Variants in TNIK observed in about 807,000 individuals in gnomAD.
TNIK encodes TRAF2 and NCK interacting kinase.
TNIK carries 49 observed loss-of-function variants against 191.3 expected under a neutral mutation model. The ratio of observed to expected loss-of-function variants is 0.26; its 90% confidence interval spans 0.20 to 0.32. The LOEUF (loss-of-function observed/expected upper bound fraction) is 0.32. Among genes scored for constraint, TNIK ranks in the 10% least tolerant of loss-of-function variants. TNIK has a pLI of 1.00. For synonymous variants in TNIK, 594 were observed against 600.9 expected (o/e 0.99, Z 0.17); for missense variants, 1,155 against 1,702.3 (o/e 0.68, Z 5.66).
At chr3:171,205,510 G>A (rs1739945772) in intron 4 of TNIK, among the ~76,000 whole-genome samples, 1 of 152,204 alleles carries the variant, frequency 6.6e-6, no homozygotes. Flanking sequence ...TAAGTTGAAT[G>A]TGATGGCAGA....
rs149124912 is a variant in TNIK at position 171,458,563 on chromosome 3, A to G, written c.57+1444T>C. On this transcript the variant is annotated intron_variant, in intron 1 of 32. Coordinates refer to ENST00000436636, the MANE Select transcript of TNIK (RefSeq NM_015028.4). Reference sequence around the variant, plus strand: ...AGACTTATTCAAAGAGATGTGGAGGAAAAGGTTTAATTAAGGAGACCAAAG... The same window carrying G: ...AGACTTATTCAAAGAGATGTGGAGGGAAAGGTTTAATTAAGGAGACCAAAG... 2.0e-5 allele frequency among the ~76,000 whole-genome samples: 3 copies of G among 152,348 alleles called. No individual in the cohort carries two copies. The East Asian group carries it at 5.8e-4, about 29-fold the overall frequency.
intron 4 of TNIK, among the ~76,000 whole-genome samples, chr3:171,207,588 T>C (rs959714425): frequency 1.3e-5 from 2 of 152,258 alleles, no homozygotes; most frequent in Admixed American, 6.5e-5. Context: ...TGGCAGTGAT[T>C]GAGAGGGAGA....
chr3:171,104,510 T>A (rs1310318875), intron 21 of TNIK, among the ~76,000 whole-genome samples: 2 of 145,436 alleles, frequency 1.4e-5, no homozygotes, highest in East Asian at 3.8e-4. Flanking sequence ...ATTTTTTGAC[T>A]ACAGAGTAAA....
intron 1 of TNIK, among the ~76,000 whole-genome samples, chr3:171,445,858 A>G (rs1209001211): frequency 2.0e-5 from 3 of 152,202 alleles, no homozygotes; most frequent in African/African-American, 7.2e-5. Flanking sequence ...ATGCCACTTC[A>G]TTTCACTTAC....
chr3:171,284,615 A>T (rs2108210542), intron 2 of TNIK, among the ~76,000 whole-genome samples: 1 of 152,176 alleles, frequency 6.6e-6, no homozygotes, highest in Admixed American at 6.5e-5. Context: ...TGCTAAAAAA[A>T]AAATAAAAAA....
intron 2 of TNIK, among the ~76,000 whole-genome samples, chr3:171,325,283 T>C (rs1437054499): frequency 1.3e-5 from 2 of 152,036 alleles, no homozygotes; most frequent in Non-Finnish European, 2.9e-5. Context: ...GATGGTTTTA[T>C]AAACAGAGAC....
At position 171,140,470 on chromosome 3, in the gene TNIK, T is replaced by C. The variant is rs777939694; in HGVS notation, c.1261A>G (p.Arg421Gly). Residue 421 changes from arginine (R) to glycine (G), a missense_variant, in exon 13 of 33, where the codon AGG becomes GGG. Arg to Gly is a moderately radical substitution (Grantham distance 125). Around this residue, in one of 3 missense-constraint regions of TNIK, gnomAD observed 735 missense variants for 848.0 expected, o/e 0.87. Coordinates refer to ENST00000436636, the MANE Select transcript of TNIK (RefSeq NM_015028.4). ...REKELRKQQE[R>G]EQRRHYEEQM... Reference sequence around the variant, plus strand: ...TCCTCATAGTGCCGGCGCTGCTCCCTCTCCTGCTGCTTCCGCAGCTCCTTC... The same window carrying C: ...TCCTCATAGTGCCGGCGCTGCTCCCCCTCCTGCTGCTTCCGCAGCTCCTTC... 6.2e-7 allele frequency: 1 copy of C among 1,613,230 alleles called. No individual in the cohort carries two copies. Among genetic ancestry groups the C allele is most frequent in the South Asian group, 1.1e-5 (1 of 91,050 alleles).
chr3:171,298,067 A>G (rs536079213), intron 2 of TNIK, among the ~76,000 whole-genome samples: 2 of 152,350 alleles, frequency 1.3e-5, no homozygotes, highest in East Asian at 3.9e-4. Context: ...CTGATGATTT[A>G]GGATGGTGTT....
At chr3:171,204,337 C>CT (rs1739798964) in intron 4 of TNIK, among the ~76,000 whole-genome samples, 1 of 152,140 alleles carries the variant, frequency 6.6e-6, no homozygotes. Context: ...TGATAGGATT[C>CT]GTACAGATTA....
rs147575078 is a variant in TNIK at position 171,392,884 on chromosome 3, T to C, written c.58-23199A>G. On this transcript the variant is annotated intron_variant, in intron 1 of 32. Transcript: ENST00000436636. ...TCATCAGTGAGGAAATTTTCAACTA[T>C]TTTCTGGGCAAAAAGAGTAATAATC... 2.6e-5 allele frequency among the ~76,000 whole-genome samples: 4 copies of C among 151,996 alleles called. No homozygotes were observed. In the East Asian group the frequency reaches 7.7e-4, roughly 29 times the overall value.
intron 2 of TNIK, among the ~76,000 whole-genome samples, chr3:171,311,583 G>A (rs980226437): frequency 2.0e-5 from 3 of 152,204 alleles, no homozygotes; most frequent in East Asian, 3.9e-4. Flanking sequence ...CAGAGCACAC[G>A]CTGATTTTTC....
At chr3:171,194,474 T>C in intron 5 of TNIK, 51 bp downstream of exon 5, 1 of 1,480,754 alleles carries the variant, frequency 6.8e-7, no homozygotes, top group South Asian at 1.2e-5. Flanking sequence ...TAAGATATCA[T>C]GTGTTGCTTG....
intron 21 of TNIK, chr3:171,106,883 T>G (rs947258248): frequency 6.1e-5 from 31 of 505,974 alleles, no homozygotes; most frequent in Admixed American, 1.0e-4. Context: ...ACAGGTTTGC[T>G]ATTGGAAGAT....
chr3:171,372,372 A>G (rs1716621956), intron 1 of TNIK, among the ~76,000 whole-genome samples: 1 of 152,224 alleles, frequency 6.6e-6, no homozygotes, highest in Non-Finnish European at 1.5e-5. Flanking sequence ...ATCATATCAG[A>G]TGGGTTCCCC....
At chr3:171,453,954 A>G (rs1039532680) in intron 1 of TNIK, among the ~76,000 whole-genome samples, 5 of 152,284 alleles carry the variant, frequency 3.3e-5, no homozygotes, top group Middle Eastern at 3.4e-3. Context: ...AACATTTTCT[A>G]CTTAAGTCCT....
chr3:171,386,942 C>T (rs1560007176), intron 1 of TNIK, among the ~76,000 whole-genome samples: 1 of 152,134 alleles, frequency 6.6e-6, no homozygotes, highest in Non-Finnish European at 1.5e-5. Flanking sequence ...TCTTACCTTT[C>T]AGCAATATAA....
chr3:171,156,153 T>C (rs867612476), intron 12 of TNIK, among the ~76,000 whole-genome samples: 2 of 152,210 alleles, frequency 1.3e-5, no homozygotes, highest in Admixed American at 1.3e-4. Flanking sequence ...GTAGATGAGA[T>C]AGTGGCTATA....
chr3:171,263,942 G>A (rs1748006803), intron 2 of TNIK, among the ~76,000 whole-genome samples: 1 of 151,958 alleles, frequency 6.6e-6, no homozygotes. Flanking sequence ...GCAGGGAGCT[G>A]TAAAGCTAGA....
chr3:171,105,832 G>A lies in TNIK; in HGVS notation c.2406+1351C>T, dbSNP rs1328980562. Among the ~76,000 whole-genome samples, 8 of 152,130 alleles carry A rather than the reference G, an allele frequency of 5.3e-5. No individual in the cohort carries two copies. In the East Asian group the frequency reaches 1.5e-3, roughly 29 times the overall value. ...ATGCACAGCCATTTTATTGGCAACTGTAGCACCAGAACTTCACTGTCTTTC... is the reference window on the plus strand; with the variant it reads ...ATGCACAGCCATTTTATTGGCAACTATAGCACCAGAACTTCACTGTCTTTC... On this transcript the variant is annotated intron_variant, in intron 21 of 32. Coordinates refer to ENST00000436636, the MANE Select transcript of TNIK (RefSeq NM_015028.4).
Sources: gnomAD v4.1 joint callset for allele counts (sites outside exome capture counted in the v4.1 genomes callset) on GRCh38, gnomAD v4.1.1 for gene constraint, gnomAD v4.1.1 regional missense constraint, MANE v1.5 for transcripts, NCBI Gene and HGNC (gene_info 2026-07-23, HGNC 2026-07-21) for gene names.